BMPR1A: variants seen among roughly 807,000 people sequenced by gnomAD.
The protein encoded by BMPR1A is bone morphogenetic protein receptor type-1A.
BMPR1A carries 7 observed loss-of-function variants against 66.0 expected under a neutral mutation model. The observed-to-expected ratio is 0.11, with a 90% CI of 0.06 to 0.20. BMPR1A has a LOEUF of 0.20. Among genes scored for constraint, BMPR1A ranks in the 10% least tolerant of loss-of-function variants. The pLI is 1.00. For missense variants in BMPR1A, 408 were observed against 669.1 expected (o/e 0.61, Z 4.31); for synonymous variants, 200 against 229.7 (o/e 0.87, Z 1.17).
Position 86,773,926 on chromosome 10 carries a change from C to T in BMPR1A, c.-268+17007C>T, listed in dbSNP as rs1196639455. Among the ~76,000 whole-genome samples the T allele has an allele frequency of 3.3e-5, 5 of 150,864 alleles. No individual in the cohort carries two copies. The East Asian group carries it at 7.9e-4, about 24-fold the overall frequency. ...AGTGAAGTGGTGCGATCTCGGCTCA[C>T]TGCAACCTGTGCCTCCTGGGTTCAA... On this transcript the variant is annotated intron_variant, in intron 1 of 12. Coordinates refer to ENST00000372037, the MANE Select transcript of BMPR1A (RefSeq NM_004329.3).
intron 1 of BMPR1A, among the ~76,000 whole-genome samples, chr10:86,813,438 T>G (rs1320485073): frequency 6.6e-6 from 1 of 152,156 alleles, no homozygotes; most frequent in East Asian, 1.9e-4. Context: ...TGCTACTGAG[T>G]TAGTCTTCGT....
intron 1 of BMPR1A, among the ~76,000 whole-genome samples, chr10:86,835,524 C>T (rs1842330146): frequency 9.0e-6 from 1 of 110,700 alleles, no homozygotes; most frequent in Non-Finnish European, 1.7e-5. Flanking sequence ...GTACTCCAGC[C>T]TGGGTGACAA....
intron 2 of BMPR1A, chr10:86,855,822 C>CAA: frequency 9.4e-7 from 1 of 1,059,514 alleles, no homozygotes; most frequent in East Asian, 2.4e-5. Flanking sequence ...ATGGAGGAAA[C>CAA]AAAGTCTTGC....
At chr10:86,902,788 A>C (rs1449986234) in intron 7 of BMPR1A, among the ~76,000 whole-genome samples, 1 of 152,232 alleles carries the variant, frequency 6.6e-6, no homozygotes, top group Non-Finnish European at 1.5e-5. Context: ...AGGTGTAGCC[A>C]GTAGCCTGTC....
chr10:86,868,333 G>A (rs1325983580), intron 2 of BMPR1A, among the ~76,000 whole-genome samples: 2 of 152,234 alleles, frequency 1.3e-5, no homozygotes, highest in East Asian at 1.9e-4. Context: ...CTACACTGAT[G>A]TAAATAACTG....
At chr10:86,791,707 C>CCCTCCCTCCCTT (rs1841625578) in intron 1 of BMPR1A, among the ~76,000 whole-genome samples, 1 of 57,784 alleles carries the variant, frequency 1.7e-5, no homozygotes, top group African/African-American at 6.6e-5. Flanking sequence ...CTCCCTCCCT[C>CCCTCCCTCCCTT]CCTCCCTTCC....
At chr10:86,856,898 A>G (rs1435591648) in intron 2 of BMPR1A, among the ~76,000 whole-genome samples, 2 of 152,230 alleles carry the variant, frequency 1.3e-5, no homozygotes, top group Non-Finnish European at 1.5e-5. Context: ...GGAAAGTGGT[A>G]TACTTAAGTT....
intron 1 of BMPR1A, among the ~76,000 whole-genome samples, chr10:86,824,345 C>G (rs975940497): frequency 6.6e-6 from 1 of 152,092 alleles, no homozygotes; most frequent in African/African-American, 2.4e-5. Flanking sequence ...CTTGATTGCC[C>G]TAGTTGCTGC....
At chr10:86,896,164 A>AG (rs1380401160) in intron 5 of BMPR1A, among the ~76,000 whole-genome samples, 2 of 140,236 alleles carry the variant, frequency 1.4e-5, no homozygotes, top group African/African-American at 5.4e-5. Flanking sequence ...AAAAAAGAAA[A>AG]GAAAAAAAAA....
chr10:86,767,086 T>A (rs1841176935), intron 1 of BMPR1A, among the ~76,000 whole-genome samples: 2 of 152,210 alleles, frequency 1.3e-5, no homozygotes, highest in African/African-American at 4.8e-5. Context: ...CCTCCCAAAG[T>A]GCTGGGATTA....
intron 1 of BMPR1A, among the ~76,000 whole-genome samples, chr10:86,829,391 A>G (rs1241144322): frequency 6.6e-6 from 1 of 152,134 alleles, no homozygotes; most frequent in Non-Finnish European, 1.5e-5. Flanking sequence ...TAGTAAGGAG[A>G]GGTCCCTTGT....
intron 1 of BMPR1A, among the ~76,000 whole-genome samples, chr10:86,788,368 A>T (rs1015237164): frequency 1.3e-5 from 2 of 152,114 alleles, no homozygotes; most frequent in Non-Finnish European, 2.9e-5. Context: ...GTCTCATTTT[A>T]TTATTTACAC....
At chr10:86,798,330 A>C (rs1013678795) in intron 1 of BMPR1A, among the ~76,000 whole-genome samples, 1 of 152,216 alleles carries the variant, frequency 6.6e-6, no homozygotes, top group African/African-American at 2.4e-5. Context: ...CATGTTATCA[A>C]TAAAAGTAGC....
chr10:86,822,278 C>T (rs1404523612), intron 1 of BMPR1A, among the ~76,000 whole-genome samples: 2 of 152,106 alleles, frequency 1.3e-5, no homozygotes, highest in Non-Finnish European at 2.9e-5. Flanking sequence ...TTATTCTAGT[C>T]CCAGTCTGTG....
chr10:86,914,870 G>A (rs1484251579), intron 8 of BMPR1A, among the ~76,000 whole-genome samples: 1 of 152,184 alleles, frequency 6.6e-6, no homozygotes, highest in Non-Finnish European at 1.5e-5. Context: ...TTACCCAAGA[G>A]ATATGAAAAC....
At chr10:86,790,728 A>G (rs1841604252) in intron 1 of BMPR1A, among the ~76,000 whole-genome samples, 1 of 152,226 alleles carries the variant, frequency 6.6e-6, no homozygotes, top group Admixed American at 6.5e-5. Flanking sequence ...ATTTTTATGA[A>G]AGGTCCGGAA....
At chr10:86,851,457 CTTTTA>C (rs1467133714) in intron 2 of BMPR1A, among the ~76,000 whole-genome samples, 1 of 152,156 alleles carries the variant, frequency 6.6e-6, no homozygotes, top group Admixed American at 6.5e-5. Context: ...AATCATGTCT[CTTTTA>C]TTTACCGTTG....
intron 1 of BMPR1A, among the ~76,000 whole-genome samples, chr10:86,808,487 T>C (rs919963851): frequency 1.3e-5 from 2 of 152,200 alleles, no homozygotes; most frequent in Non-Finnish European, 2.9e-5. Context: ...AACTGTGAGC[T>C]TTGGTCCATT....
chr10:86,832,062 C>T (rs904676783), intron 1 of BMPR1A, among the ~76,000 whole-genome samples: 15 of 152,184 alleles, frequency 9.9e-5, no homozygotes, highest in African/African-American at 1.4e-4. Context: ...TCCTGTGGAA[C>T]GAACTGTAGC....
Sources: allele counts gnomAD v4.1 joint callset (sites outside exome capture counted in the v4.1 genomes callset), GRCh38; gene constraint gnomAD v4.1.1; transcripts MANE v1.5; gene names NCBI Gene and HGNC (gene_info 2026-07-23, HGNC 2026-07-21).